MMP26: variants seen among roughly 807,000 people sequenced by gnomAD.
MMP26 encodes matrix metallopeptidase 26, also known as matrix metalloproteinase-26.
Under a neutral mutation model 31.0 loss-of-function variants are expected in MMP26, and 33 were observed. The ratio of observed to expected loss-of-function variants is 1.06; its 90% CI spans 0.81 to 1.42. MMP26 has a LOEUF of 1.42. Among genes scored for constraint, MMP26 ranks in the 40% most tolerant of loss-of-function variants. The pLI is 0.00. For missense variants in MMP26, 347 were observed against 316.1 expected, an observed-to-expected ratio of 1.10 and a Z score of -0.74; for synonymous variants, 122 against 114.9, an observed-to-expected ratio of 1.06 and a Z score of -0.40.
chr11:4,984,889 C>G (rs965332533), intron 2 of MMP26, among the ~76,000 whole-genome samples: 1 of 152,090 alleles, frequency 6.6e-6, no homozygotes, highest in Admixed American at 6.6e-5. Context: ...AGAGATTTAA[C>G]CTGATTTTTA....
At chr11:4,919,373 G>A (rs1181254538) in intron 2 of MMP26, 8 of 152,180 alleles carry the variant, frequency 5.3e-5, no homozygotes, top group South Asian at 4.1e-4. Context: ...ACTGGAGGAC[G>A]GATGTTTAAA....
At chr11:4,962,440 A>G (rs573105411) in intron 2 of MMP26, among the ~76,000 whole-genome samples, 22 of 152,294 alleles carry the variant, frequency 1.4e-4, no homozygotes, top group African/African-American at 5.1e-4. Flanking sequence ...GCAAATATTT[A>G]AACCTGATTA....
intron 2 of MMP26, among the ~76,000 whole-genome samples, chr11:4,839,161 G>T (rs893285190): frequency 6.6e-6 from 1 of 152,004 alleles, no homozygotes; most frequent in Non-Finnish European, 1.5e-5. Context: ...TAATCAGAGG[G>T]GAATCACTGA....
In MMP26 at chr11:4,989,649, G is replaced by T. The variant is rs1261616940; in HGVS notation, c.101G>T (p.Gly34Val). The T allele has an allele frequency of 1.9e-6, 3 of 1,610,038 alleles. No individual in the cohort carries two copies. Among genetic ancestry groups the T allele is most frequent in the Non-Finnish European group, 2.5e-6 (3 of 1,179,068 alleles). ...CTCATCCTTCTTGATCTGATTCAGG[G>T]CTATTTCCATCAATTTTTCCTGACC... ...ADHKGWDFVE[G>V]YFHQFFLTKK... is the part of the protein sequence containing the mutation. The change falls in exon 4 of 8, where the codon GGC becomes GTC. Residue 34 changes from glycine (G) to valine (V), a missense_variant and splice_region_variant. Transcript: ENST00000380390.
intron 2 of MMP26, among the ~76,000 whole-genome samples, chr11:4,931,387 A>T (rs1177327972): frequency 1.3e-5 from 2 of 152,046 alleles, no homozygotes; most frequent in African/African-American, 4.8e-5. Context: ...AGTTGACTGG[A>T]GGGCTAGAGA....
rs745629862 is a variant in MMP26, at chr11:4,907,916, G to A, written c.-144-80152G>A. 6.8e-6 allele frequency: 11 copies of A among 1,613,852 alleles called. No individual in the cohort carries two copies. In the Admixed American group the frequency reaches 1.8e-4, roughly 27 times the overall value. On this transcript the variant is annotated intron_variant, in intron 2 of 7. Transcript: ENST00000380390. ...TTCTCACTCATACTGTCTTCATCAG[G>A]ATACCATGAAGCTGGCCTGCTCTGA...
intron 2 of MMP26, among the ~76,000 whole-genome samples, chr11:4,920,471 T>C (rs1458004217): frequency 6.6e-6 from 1 of 152,198 alleles, no homozygotes; most frequent in African/African-American, 2.4e-5. Flanking sequence ...CATTTGGAGA[T>C]TGGGCTTTAC....
intron 2 of MMP26, among the ~76,000 whole-genome samples, chr11:4,771,286 A>G (rs1483877282): frequency 6.6e-6 from 1 of 152,184 alleles, no homozygotes; most frequent in African/African-American, 2.4e-5. Flanking sequence ...AGCATGAGTA[A>G]CCTTCAAAAA....
intron 2 of MMP26, chr11:4,946,381 A>G (rs763214870): frequency 6.2e-7 from 1 of 1,613,516 alleles, no homozygotes. Flanking sequence ...AAACACAAGT[A>G]TTGAGAGCCT....
intron 1 of MMP26, among the ~76,000 whole-genome samples, chr11:4,708,075 A>G (rs928539955): frequency 1.3e-5 from 2 of 152,106 alleles, no homozygotes; most frequent in African/African-American, 4.8e-5. Flanking sequence ...TAGTTTCACA[A>G]CTCTCAAGCC....
chr11:4,879,757 C>T (rs753046863), intron 2 of MMP26, among the ~76,000 whole-genome samples: 10 of 152,066 alleles, frequency 6.6e-5, no homozygotes, highest in Non-Finnish European at 1.0e-4. Context: ...TGACTTGAAT[C>T]GGAAGGGTTC....
At chr11:4,975,328 C>T (rs1039232588) in intron 2 of MMP26, among the ~76,000 whole-genome samples, 1 of 151,996 alleles carries the variant, frequency 6.6e-6, no homozygotes, top group African/African-American at 2.4e-5. Flanking sequence ...GCTTTAAACA[C>T]TAATCCAGGT....
intron 2 of MMP26, among the ~76,000 whole-genome samples, chr11:4,854,785 C>T (rs915402594): frequency 4.6e-5 from 7 of 152,230 alleles, no homozygotes; most frequent in Non-Finnish European, 8.8e-5. Flanking sequence ...CCCTGACCCT[C>T]GAGTAGCCTA....
intron 2 of MMP26, among the ~76,000 whole-genome samples, chr11:4,864,381 C>T (rs1308791401): frequency 2.6e-5 from 4 of 152,146 alleles, no homozygotes; most frequent in Non-Finnish European, 5.9e-5. Context: ...CTTTCTATCA[C>T]ATATTTATGC....
At chr11:4,905,815 C>G (rs1344387726) in intron 2 of MMP26, among the ~76,000 whole-genome samples, 1 of 151,998 alleles carries the variant, frequency 6.6e-6, no homozygotes, top group East Asian at 1.9e-4. Context: ...TGATAAGTTG[C>G]AAGATTGCAT....
intron 2 of MMP26, among the ~76,000 whole-genome samples, chr11:4,845,407 T>C (rs866263942): frequency 1.1e-4 from 16 of 152,216 alleles, no homozygotes; most frequent in Middle Eastern, 3.4e-3. Flanking sequence ...GAAAAAACAA[T>C]CTTAATTTGT....
intron 2 of MMP26, among the ~76,000 whole-genome samples, chr11:4,815,080 G>A (rs968975654): frequency 1.3e-5 from 2 of 152,104 alleles, no homozygotes; most frequent in African/African-American, 4.8e-5. Flanking sequence ...CCAGGTAATA[G>A]GAAGATAAGA....
At chr11:4,821,528 T>G (rs2133471608) in intron 2 of MMP26, 1 of 1,612,426 alleles carries the variant, frequency 6.2e-7, no homozygotes, top group East Asian at 2.2e-5. Flanking sequence ...TTTTGTCTCC[T>G]ATATGTTGTT....
chr11:4,724,683 A>G (rs1294709264), intron 1 of MMP26, among the ~76,000 whole-genome samples: 1 of 152,182 alleles, frequency 6.6e-6, no homozygotes, highest in Admixed American at 6.5e-5. Flanking sequence ...GGTAGGAGAA[A>G]GTTTTTGTAT....
Sources: allele counts gnomAD v4.1 joint callset (sites outside exome capture counted in the v4.1 genomes callset), GRCh38; gene constraint gnomAD v4.1.1; transcripts MANE v1.5; gene names NCBI Gene and HGNC (gene_info 2026-07-23, HGNC 2026-07-21).